The following TNR variants were observed in gnomAD, a reference collection of about 807,000 sequenced individuals.
TNR encodes tenascin R.
TNR carries 45 observed loss-of-function variants against 150.4 expected under a neutral mutation model. The observed-to-expected ratio is 0.30, with a 90% confidence interval of 0.24 to 0.38. The LOEUF is 0.38. Among genes scored for constraint, TNR ranks in the 10% least tolerant of loss-of-function variants. The pLI is 1.00. For synonymous variants in TNR, 687 were observed against 678.4 expected (o/e 1.01, Z -0.20); for missense variants, 1,544 against 1,759.1 (o/e 0.88, Z 2.19).
chr1:175,738,611 T>C (rs935602774), intron 1 of TNR, among the ~76,000 whole-genome samples: 11 of 152,286 alleles, frequency 7.2e-5, no homozygotes, highest in Middle Eastern at 3.4e-3. Context: ...TTGCATACAA[T>C]GTAAATGTAC....
intron 1 of TNR, among the ~76,000 whole-genome samples, chr1:175,534,948 A>T (rs1311707008): frequency 6.6e-6 from 1 of 152,088 alleles, no homozygotes; most frequent in Non-Finnish European, 1.5e-5. Flanking sequence ...CCTTTGCTTG[A>T]TACTTTTCTC....
chr1:175,583,458 G>A (rs575752941), intron 1 of TNR, among the ~76,000 whole-genome samples: 1 of 152,284 alleles, frequency 6.6e-6, no homozygotes, highest in African/African-American at 2.4e-5. Context: ...CGGCTGCCAA[G>A]GTCATGCACA....
At chr1:175,461,351 AC>A (rs1337511701) in intron 2 of TNR, among the ~76,000 whole-genome samples, 1 of 152,186 alleles carries the variant, frequency 6.6e-6, no homozygotes, top group Non-Finnish European at 1.5e-5. Context: ...TTTGCTCCCA[AC>A]AAAATGTTTT....
intron 1 of TNR, among the ~76,000 whole-genome samples, chr1:175,568,479 C>G (rs567491792): frequency 1.1e-4 from 16 of 152,168 alleles, no homozygotes; most frequent in Non-Finnish European, 1.5e-5. Flanking sequence ...ACAAGAGGTG[C>G]TCAGATTTGA....
intron 9 of TNR, among the ~76,000 whole-genome samples, chr1:175,372,094 C>T (rs1463914394): frequency 6.6e-6 from 1 of 152,122 alleles, no homozygotes; most frequent in East Asian, 1.9e-4. Flanking sequence ...GTGGCACCTC[C>T]CCCCAACCCT....
chr1:175,615,598 T>C (rs1005987013), intron 1 of TNR, among the ~76,000 whole-genome samples: 2 of 151,834 alleles, frequency 1.3e-5, no homozygotes, highest in South Asian at 4.1e-4. Context: ...CTCAGATGAG[T>C]GTGAGCTCTA....
chr1:175,478,780 C>T (rs183368575), intron 2 of TNR, among the ~76,000 whole-genome samples: 7 of 152,152 alleles, frequency 4.6e-5, no homozygotes, highest in South Asian at 2.1e-4. Flanking sequence ...TGTGGTAAGA[C>T]CTGCTCTTGT....
intron 21 of TNR, 65 bp from the exon 22 acceptor site, chr1:175,324,584 A>G (rs768546843): frequency 3.6e-5 from 56 of 1,557,720 alleles, no homozygotes; most frequent in Non-Finnish European, 4.8e-5. Flanking sequence ...TTTTCTGGAC[A>G]CTTGACCCAC....
chr1:175,323,343 CA>C lies in TNR; in HGVS notation c.*13del, dbSNP rs1269088583. On this transcript the variant is annotated 3_prime_UTR_variant, in exon 23 of 23. Coordinates refer to ENST00000367674, the MANE Select transcript of TNR (RefSeq NM_003285.3). Reference sequence around the variant, plus strand: ...ATGACAGAAAATATTGGTTGGCTTGCAGCCGCCCACTGCTCAGAACTGTAAG... The same window carrying C: ...ATGACAGAAAATATTGGTTGGCTTGCGCCGCCCACTGCTCAGAACTGTAAG... The C allele has an allele frequency of 1.2e-6, 2 of 1,610,798 alleles. No homozygotes were observed. Among genetic ancestry groups the C allele is most frequent in the East Asian group, 4.5e-5 (2 of 44,864 alleles).
intron 2 of TNR, among the ~76,000 whole-genome samples, chr1:175,461,839 G>T (rs1433433600): frequency 2.0e-5 from 3 of 152,032 alleles, no homozygotes; most frequent in Non-Finnish European, 4.4e-5. Flanking sequence ...CCTTGCCTTT[G>T]CTTTTTCTCT....
At chr1:175,388,394 T>C (rs1252984301) in intron 7 of TNR, among the ~76,000 whole-genome samples, 1 of 152,232 alleles carries the variant, frequency 6.6e-6, no homozygotes, top group African/African-American at 2.4e-5. Flanking sequence ...CAGAGGGTTT[T>C]AGCTGTGGGA....
At chr1:175,495,627 T>C in intron 2 of TNR, among the ~76,000 whole-genome samples, 1 of 152,188 alleles carries the variant, frequency 6.6e-6, no homozygotes, top group Non-Finnish European at 1.5e-5. Flanking sequence ...TTACAATATA[T>C]TGTTTGTTGT....
At chr1:175,732,143 CA>C (rs1667659580) in intron 1 of TNR, among the ~76,000 whole-genome samples, 1 of 152,152 alleles carries the variant, frequency 6.6e-6, no homozygotes, top group Non-Finnish European at 1.5e-5. Context: ...CCTCACAGCT[CA>C]ACAAGAAACC....
intron 4 of TNR, 123 bp downstream of exon 4, chr1:175,403,017 A>G: frequency 2.4e-6 from 2 of 836,890 alleles, no homozygotes; most frequent in Non-Finnish European, 3.9e-6. Flanking sequence ...GTACAACTCA[A>G]TTGAGAATTA....
At chr1:175,347,530 C>A (rs188261835) in intron 18 of TNR, among the ~76,000 whole-genome samples, 5 of 151,984 alleles carry the variant, frequency 3.3e-5, no homozygotes, top group Admixed American at 3.3e-4. Flanking sequence ...CAGGGTCAAG[C>A]GATTCTCCTG....
chr1:175,401,564 T>C (rs1190081670), intron 4 of TNR, among the ~76,000 whole-genome samples: 1 of 152,172 alleles, frequency 6.6e-6, no homozygotes, highest in African/African-American at 2.4e-5. Context: ...AATGAAATAA[T>C]TGGATATGGA....
intron 1 of TNR, among the ~76,000 whole-genome samples, chr1:175,571,136 T>C (rs1661849725): frequency 6.6e-6 from 1 of 152,210 alleles, no homozygotes; most frequent in Non-Finnish European, 1.5e-5. Context: ...AACACCTTTG[T>C]CCGCAACCCA....
intron 1 of TNR, among the ~76,000 whole-genome samples, chr1:175,675,676 A>G (rs1665841300): frequency 6.6e-6 from 1 of 152,158 alleles, no homozygotes; most frequent in South Asian, 2.1e-4. Context: ...TCTGTCTACG[A>G]GAAAAGTTTA....
At chr1:175,422,160 G>A (rs1009553433) in intron 2 of TNR, among the ~76,000 whole-genome samples, 10 of 152,220 alleles carry the variant, frequency 6.6e-5, no homozygotes, top group Non-Finnish European at 2.9e-5. Flanking sequence ...AGAGCTGTAT[G>A]CAGTTGATTG....
Sources: allele counts gnomAD v4.1 joint callset (sites outside exome capture counted in the v4.1 genomes callset), GRCh38; gene constraint gnomAD v4.1.1; transcripts MANE v1.5; gene names NCBI Gene and HGNC (gene_info 2026-07-23, HGNC 2026-07-21).